Variants in IPCEF1 observed in about 807,000 individuals in gnomAD.
IPCEF1 encodes interaction protein for cytohesin exchange factors 1, also known as interactor protein for cytohesin exchange factors 1.
Under a neutral mutation model 50.9 loss-of-function variants are expected in IPCEF1, and 31 were observed. That is an observed-to-expected ratio of 0.61 (90% CI 0.46 to 0.82). The LOEUF is 0.82. Among genes scored for constraint, IPCEF1 ranks in the 40% least tolerant of loss-of-function variants. IPCEF1 has a pLI of 0.00. For synonymous variants in IPCEF1, 181 were observed against 192.0 expected, an observed-to-expected ratio of 0.94 and a Z score of 0.47; for missense variants, 458 against 514.0, an observed-to-expected ratio of 0.89 and a Z score of 1.05.
At chr6:154,165,378 T>C (rs1799344001) in intron 11 of IPCEF1, among the ~76,000 whole-genome samples, 2 of 152,194 alleles carry the variant, frequency 1.3e-5, no homozygotes, top group Non-Finnish European at 2.9e-5. Context: ...TATTATACCC[T>C]TCCAACATGA....
In IPCEF1 at chr6:154,220,924, C is replaced by T. The variant is rs571487048; in HGVS notation, c.392+333G>A. ...TAGCAATATTTTGCATGTAGAATTCCGAAAGCTGCAAGATCAGTTACATAA... is the reference window on the plus strand; with the variant it reads ...TAGCAATATTTTGCATGTAGAATTCTGAAAGCTGCAAGATCAGTTACATAA... On this transcript the variant is annotated intron_variant, in intron 7 of 11. Transcript: ENST00000367220. Among the ~76,000 whole-genome samples, 8 of 152,330 alleles carry T rather than the reference C, an allele frequency of 5.3e-5. No homozygotes were observed. In the East Asian group the frequency reaches 1.3e-3, roughly 26 times the overall value.
At chr6:154,240,569 G>A (rs1347636900) in intron 5 of IPCEF1, among the ~76,000 whole-genome samples, 4 of 151,586 alleles carry the variant, frequency 2.6e-5, no homozygotes, top group African/African-American at 9.7e-5. Context: ...CAGAATAGCT[G>A]TCTCATGAAA....
At chr6:154,216,194 A>G (rs1444793972) in intron 7 of IPCEF1, among the ~76,000 whole-genome samples, 4 of 152,220 alleles carry the variant, frequency 2.6e-5, no homozygotes, top group Non-Finnish European at 4.4e-5. Context: ...CAAGGCTTGT[A>G]ATGGCAAAAA....
intron 1 of IPCEF1, among the ~76,000 whole-genome samples, chr6:154,307,127 A>G (rs1451553419): frequency 1.3e-5 from 2 of 152,070 alleles, no homozygotes; most frequent in East Asian, 3.9e-4. Flanking sequence ...CTATCTCCAA[A>G]TACAATCTGA....
At chr6:154,286,666 G>A (rs1782368005) in intron 2 of IPCEF1, among the ~76,000 whole-genome samples, 1 of 152,216 alleles carries the variant, frequency 6.6e-6, no homozygotes, top group African/African-American at 2.4e-5. Context: ...GGTGGAGGCT[G>A]TAAAATGGGG....
chr6:154,197,648 C>G (rs1209241136), intron 10 of IPCEF1, among the ~76,000 whole-genome samples: 1 of 152,220 alleles, frequency 6.6e-6, no homozygotes, highest in Admixed American at 6.5e-5. Flanking sequence ...CAGCCAGGCT[C>G]TACAGCACAT....
intron 3 of IPCEF1, among the ~76,000 whole-genome samples, chr6:154,260,675 G>A (rs1583916562): frequency 6.6e-6 from 1 of 152,162 alleles, no homozygotes. Flanking sequence ...GTTTCATCAT[G>A]TTGGCCAGGA....
chr6:154,218,950 G>A (rs1042361925), intron 7 of IPCEF1: 3 of 152,060 alleles, frequency 2.0e-5, no homozygotes, highest in Non-Finnish European at 4.4e-5. Context: ...ATAGATAGGC[G>A]GTAAGATCTT....
At chr6:154,223,081 T>C in intron 6 of IPCEF1, 89 bp downstream of exon 6, 1 of 1,024,838 alleles carries the variant, frequency 9.8e-7, no homozygotes, top group East Asian at 2.4e-5. Flanking sequence ...TTACCTTCAC[T>C]CACTTCTAAA....
chr6:154,337,510 T>G (rs1048132825), intron 1 of IPCEF1, among the ~76,000 whole-genome samples: 11 of 152,224 alleles, frequency 7.2e-5, no homozygotes, highest in Admixed American at 2.0e-4. Flanking sequence ...AGTCTCTCTT[T>G]TATACCAGGA....
chr6:154,229,175 A>T (rs540495524), intron 5 of IPCEF1, among the ~76,000 whole-genome samples: 1 of 152,196 alleles, frequency 6.6e-6, no homozygotes, highest in Admixed American at 6.5e-5. Context: ...GATTGTGAGT[A>T]CCTTGAAGGA....
chr6:154,173,878 A>G (rs1004087465), intron 10 of IPCEF1, among the ~76,000 whole-genome samples: 2 of 152,212 alleles, frequency 1.3e-5, no homozygotes, highest in Non-Finnish European at 2.9e-5. Context: ...TGTGAGATTC[A>G]TCAAGGTTGA....
intron 1 of IPCEF1, among the ~76,000 whole-genome samples, chr6:154,339,918 C>T (rs1783873043): frequency 6.6e-6 from 1 of 151,702 alleles, no homozygotes; most frequent in Admixed American, 6.6e-5. Flanking sequence ...TAATTTCAAG[C>T]ATGTTCAAGT....
At chr6:154,275,762 A>T (rs530679361) in intron 2 of IPCEF1, among the ~76,000 whole-genome samples, 1 of 152,098 alleles carries the variant, frequency 6.6e-6, no homozygotes, top group African/African-American at 2.4e-5. Context: ...GCAACTGGAC[A>T]TTCACTGGCT....
intron 7 of IPCEF1, among the ~76,000 whole-genome samples, chr6:154,216,273 C>T (rs1778385401): frequency 6.6e-6 from 1 of 151,692 alleles, no homozygotes; most frequent in Non-Finnish European, 1.5e-5. Context: ...TATCAATTTC[C>T]TGTTATAATG....
intron 10 of IPCEF1, among the ~76,000 whole-genome samples, chr6:154,182,388 T>C (rs1038002406): frequency 2.0e-5 from 3 of 152,214 alleles, no homozygotes; most frequent in Admixed American, 2.0e-4. Flanking sequence ...TTGTTATTAT[T>C]GAGTCTTGAG....
At chr6:154,235,112 T>G (rs1780011912) in intron 5 of IPCEF1, among the ~76,000 whole-genome samples, 1 of 152,218 alleles carries the variant, frequency 6.6e-6, no homozygotes, top group African/African-American at 2.4e-5. Context: ...CAGACTAAAT[T>G]TCATCTCTTG....
chr6:154,342,516 G>A (rs1002504543), intron 1 of IPCEF1, among the ~76,000 whole-genome samples: 5 of 152,054 alleles, frequency 3.3e-5, no homozygotes, highest in South Asian at 2.1e-4. Context: ...TGACTTTTGC[G>A]ACTCAAGTGA....
chr6:154,306,094 A>C (rs1484196589), intron 1 of IPCEF1, among the ~76,000 whole-genome samples: 2 of 152,142 alleles, frequency 1.3e-5, no homozygotes, highest in Non-Finnish European at 2.9e-5. Flanking sequence ...TCTTTCTTCT[A>C]GAGAACCCTA....
Sources: allele counts gnomAD v4.1 joint callset (sites outside exome capture counted in the v4.1 genomes callset), GRCh38; gene constraint gnomAD v4.1.1; transcripts MANE v1.5; gene names NCBI Gene and HGNC (gene_info 2026-07-23, HGNC 2026-07-21).